TBC1D1: variants seen among roughly 807,000 people sequenced by gnomAD.
TBC1D1 encodes TBC1 (tre-2/USP6, BUB2, cdc16) domain family, member 1.
TBC1D1 carries 89 observed loss-of-function variants against 125.6 expected under a neutral mutation model. The observed-to-expected ratio is 0.71, with a 90% CI of 0.60 to 0.85. TBC1D1 has a LOEUF of 0.85. Ranked by LOEUF, TBC1D1 falls within the 40% of genes least tolerant of loss-of-function variation. TBC1D1 has a pLI of 0.00. For synonymous variants in TBC1D1, 565 were observed against 564.1 expected, an observed-to-expected ratio of 1.00 and a Z score of -0.02; for missense variants, 1,377 against 1,469.2, an observed-to-expected ratio of 0.94 and a Z score of 1.03.
At chr4:38,067,642 T>C (rs961417787) in intron 12 of TBC1D1, among the ~76,000 whole-genome samples, 3 of 152,202 alleles carry the variant, frequency 2.0e-5, no homozygotes, top group Non-Finnish European at 4.4e-5. Flanking sequence ...CTGGCACTGC[T>C]TGCCAGAGAA....
intron 16 of TBC1D1, among the ~76,000 whole-genome samples, chr4:38,116,449 C>T (rs578227145): frequency 2.0e-5 from 3 of 152,224 alleles, no homozygotes; most frequent in Non-Finnish European, 2.9e-5. Context: ...GGGCACACTG[C>T]GTCACGTTAT....
At chr4:38,060,394 CT>C in intron 12 of TBC1D1, among the ~76,000 whole-genome samples, 1 of 152,334 alleles carries the variant, frequency 6.6e-6, no homozygotes. Context: ...TCTGTTGTTT[CT>C]TGACTTTTTA....
At chr4:37,942,990 T>A (rs1417034963) in intron 2 of TBC1D1, among the ~76,000 whole-genome samples, 1 of 152,218 alleles carries the variant, frequency 6.6e-6, no homozygotes, top group Non-Finnish European at 1.5e-5. Flanking sequence ...TTCCTTTCCA[T>A]GTTTAGTGCT....
chr4:38,046,162 G>A (rs1390841491), intron 10 of TBC1D1, among the ~76,000 whole-genome samples: 1 of 152,052 alleles, frequency 6.6e-6, no homozygotes, highest in African/African-American at 2.4e-5. Flanking sequence ...TCAGGAGATC[G>A]AGACGCTCCT....
chr4:38,074,682 TA>T (rs1379661046), intron 12 of TBC1D1, among the ~76,000 whole-genome samples: 1 of 152,184 alleles, frequency 6.6e-6, no homozygotes, highest in African/African-American at 2.4e-5. Flanking sequence ...TCTTGATTCT[TA>T]ATGATGCCAC....
At position 38,068,847 on chromosome 4, in the gene TBC1D1, C is replaced by A. The variant is rs554682365; in HGVS notation, c.2050+14509C>A. On this transcript the variant is annotated intron_variant, in intron 12 of 19. Transcript: ENST00000261439. ...CCAGAAAGTTCTCTTGGACATGCTGCTCAAGGTGGTGAACTCTGAGATCTC... is the reference window on the plus strand; with the variant it reads ...CCAGAAAGTTCTCTTGGACATGCTGATCAAGGTGGTGAACTCTGAGATCTC... Among the ~76,000 whole-genome samples the A allele has an allele frequency of 2.0e-5, 3 of 152,304 alleles. 1 individual carries two copies. In the South Asian group the frequency reaches 6.2e-4, roughly 32 times the overall value.
intron 2 of TBC1D1, among the ~76,000 whole-genome samples, chr4:37,940,329 T>G (rs1725287418): frequency 1.3e-5 from 2 of 152,132 alleles, no homozygotes; most frequent in Admixed American, 6.6e-5. Flanking sequence ...CTGTTTGTCT[T>G]TTATCGGTGT....
At position 38,124,989 on chromosome 4, in the gene TBC1D1, T is replaced by C. The variant is rs1341614633; in HGVS notation, c.2990T>C (p.Val997Ala). ...ATGATTTTTCTTCAGGGAACAGAGGTCATATTTAAAGTGGCTTTAAGTCTG... is the reference window on the plus strand; with the variant it reads ...ATGATTTTTCTTCAGGGAACAGAGGCCATATTTAAAGTGGCTTTAAGTCTG... The change falls in exon 18 of 20, where the codon GTC becomes GCC. Residue 997 changes from valine to alanine, a missense_variant. Around this residue, in one of 3 missense-constraint regions of TBC1D1, gnomAD observed 543 missense variants for 613.5 expected, o/e 0.89. Coordinates refer to ENST00000261439, the MANE Select transcript of TBC1D1 (RefSeq NM_015173.4). The C allele has an allele frequency of 5.6e-6, 9 of 1,613,904 alleles. No homozygotes were observed. In the Admixed American group the frequency reaches 6.7e-5, roughly 12 times the overall value.
chr4:38,115,882 T>G lies in TBC1D1; in HGVS notation c.2730T>G (p.Phe910Leu). 6.2e-7 allele frequency: 1 copy of G among 1,614,176 alleles called. No homozygotes were observed. The highest frequency in any genetic ancestry group is 1.3e-5 in the African/African-American group (1 of 75,042). Residue 910 changes from phenylalanine (F) to leucine (L), a missense_variant, in exon 16 of 20, where the codon TTT becomes TTG. Coordinates refer to ENST00000261439, the MANE Select transcript of TBC1D1 (RefSeq NM_015173.4). Reference sequence around the variant, plus strand: ...TTCATATGAGTGAGGAAGAGGCGTTTAAAATGCTCAAGTTTCTGATGTTTG... The same window carrying G: ...TTCATATGAGTGAGGAAGAGGCGTTGAAAATGCTCAAGTTTCTGATGTTTG...
chr4:38,112,428 G>C (rs1762339033), intron 15 of TBC1D1, among the ~76,000 whole-genome samples: 1 of 152,082 alleles, frequency 6.6e-6, no homozygotes, highest in South Asian at 2.1e-4. Context: ...TTGGAAACTG[G>C]GTTTTTATAA....
intron 1 of TBC1D1, among the ~76,000 whole-genome samples, chr4:37,893,957 A>G (rs906272202): frequency 6.6e-6 from 1 of 151,744 alleles, no homozygotes; most frequent in Non-Finnish European, 1.5e-5. Context: ...TCTTCACGAA[A>G]GACATGAAGG....
chr4:37,994,008 G>T (rs530902815), intron 2 of TBC1D1, among the ~76,000 whole-genome samples: 2 of 152,226 alleles, frequency 1.3e-5, no homozygotes, highest in South Asian at 2.1e-4. Flanking sequence ...ATCTGATCTC[G>T]TGAAAATGAA....
intron 12 of TBC1D1, among the ~76,000 whole-genome samples, chr4:38,054,756 C>T (rs1751368248): frequency 6.6e-6 from 1 of 152,162 alleles, no homozygotes; most frequent in Non-Finnish European, 1.5e-5. Context: ...GGTGGTTAGG[C>T]GGGCAACTTG....
chr4:37,939,050 A>G (rs1345437653), intron 2 of TBC1D1, among the ~76,000 whole-genome samples: 2 of 152,216 alleles, frequency 1.3e-5, no homozygotes, highest in Non-Finnish European at 2.9e-5. Flanking sequence ...CAGTAATGGG[A>G]TGGCTGGGTC....
intron 12 of TBC1D1, among the ~76,000 whole-genome samples, chr4:38,069,450 C>G (rs994448268): frequency 6.6e-6 from 1 of 152,174 alleles, no homozygotes; most frequent in East Asian, 1.9e-4. Flanking sequence ...AAAAATGACT[C>G]AAACTAGCTT....
At chr4:38,068,052 A>G (rs1407407129) in intron 12 of TBC1D1, among the ~76,000 whole-genome samples, 1 of 152,060 alleles carries the variant, frequency 6.6e-6, no homozygotes, top group Non-Finnish European at 1.5e-5. Flanking sequence ...CAGTGGTGAC[A>G]CCCTCGAGCT....
At chr4:38,111,592 T>A (rs1762212557) in intron 15 of TBC1D1, among the ~76,000 whole-genome samples, 1 of 152,238 alleles carries the variant, frequency 6.6e-6, no homozygotes. Context: ...TAGAATCCGC[T>A]GAATTTTATT....
chr4:38,077,307 AAG>A (rs1755764781), intron 12 of TBC1D1, among the ~76,000 whole-genome samples: 1 of 152,258 alleles, frequency 6.6e-6, no homozygotes, highest in South Asian at 2.1e-4. Context: ...GACAGCTGCC[AAG>A]AGAGAAGAAA....
intron 2 of TBC1D1, among the ~76,000 whole-genome samples, chr4:37,924,765 A>ATGTATC (rs1194440858): frequency 6.6e-6 from 1 of 152,136 alleles, no homozygotes; most frequent in Non-Finnish European, 1.5e-5. Context: ...TTGCTTATCC[A>ATGTATC]TGTATCTGTC....
Sources: gnomAD v4.1 joint callset for allele counts (sites outside exome capture counted in the v4.1 genomes callset) on GRCh38, gnomAD v4.1.1 for gene constraint, gnomAD v4.1.1 regional missense constraint, MANE v1.5 for transcripts, NCBI Gene and HGNC (gene_info 2026-07-23, HGNC 2026-07-21) for gene names.